Variants in MICAL2 observed in about 807,000 individuals in gnomAD.
MICAL2 encodes [F-actin]-monooxygenase MICAL2.
A neutral mutation model predicts 127.3 loss-of-function variants in MICAL2; 77 were observed. That is an observed-to-expected ratio of 0.60 (90% CI 0.50 to 0.73). The LOEUF is 0.73. Among genes scored for constraint, MICAL2 ranks in the 30% least tolerant of loss-of-function variants. The probability of loss-of-function intolerance (pLI) is 0.00; values close to 1 mark genes in which losing one functional copy is unlikely to be tolerated. For missense variants in MICAL2, 1,351 were observed against 1,434.4 expected, an observed-to-expected ratio of 0.94 and a Z score of 0.94; for synonymous variants, 570 against 551.1, an observed-to-expected ratio of 1.03 and a Z score of -0.48.
At chr11:12,316,695 G>A (rs1864235653) in intron 29 of MICAL2, among the ~76,000 whole-genome samples, 1 of 151,868 alleles carries the variant, frequency 6.6e-6, no homozygotes, top group African/African-American at 2.4e-5. Context: ...TACATATCTA[G>A]TAATTGTTCA....
intron 1 of MICAL2, among the ~76,000 whole-genome samples, chr11:12,119,327 A>C (rs1179762072): frequency 6.6e-6 from 1 of 152,168 alleles, no homozygotes; most frequent in Non-Finnish European, 1.5e-5. Flanking sequence ...ATTTTTAAAG[A>C]TCTTTAATTG....
chr11:12,347,712 TATAA>T (rs1938977544), intron 32 of MICAL2, among the ~76,000 whole-genome samples: 1 of 152,166 alleles, frequency 6.6e-6, no homozygotes, highest in Admixed American at 6.5e-5. Context: ...TATTCAGTAT[TATAA>T]ATAATCTAGA....
intron 29 of MICAL2, among the ~76,000 whole-genome samples, chr11:12,307,086 T>C (rs1252668927): frequency 6.6e-6 from 1 of 152,226 alleles, no homozygotes; most frequent in African/African-American, 2.4e-5. Flanking sequence ...GAGTTTCGGT[T>C]ACTGTACATC....
At chr11:12,138,507 T>C (rs901285) in intron 2 of MICAL2, 47 bp downstream of exon 2, 20,059 of 152,238 alleles carry the variant, frequency 0.13, 1,435 homozygotes, top group South Asian at 0.18. Flanking sequence ...GAGTAGCTCC[T>C]GGGGGCTGGT....
exon 32 of MICAL2, chr11:12,327,180 A>C (rs1180505625): frequency 9.7e-6 from 15 of 1,551,706 alleles, no homozygotes; most frequent in Non-Finnish European, 2.6e-6. Context: ...CAGGCCATCC[A>C]GAGGCAGCTG....
chr11:12,136,713 G>A lies in MICAL2; in HGVS notation c.-148-1677G>A, dbSNP rs182034383. On this transcript the variant is annotated intron_variant, in intron 1 of 27. Coordinates refer to ENST00000683283, the MANE Select transcript of MICAL2 (RefSeq NM_001282663.2). ...GAGCTCAAGTGTATTTGGCTTGTTG[G>A]TCAGACAAAGGGTACGAGTTGGTCC... Among the ~76,000 whole-genome samples, 206 of 152,258 alleles carry A rather than the reference G, an allele frequency of 1.4e-3. 2 individuals carry two copies. The highest frequency in any genetic ancestry group is 3.4e-3 in the Middle Eastern group (1 of 294).
intron 16 of MICAL2, among the ~76,000 whole-genome samples, chr11:12,238,372 G>A (rs1046707864): frequency 2.1e-4 from 32 of 152,186 alleles, no homozygotes; most frequent in African/African-American, 9.7e-5. Context: ...ATGGAACTCC[G>A]TTTTATAAAA....
chr11:12,355,671 G>C (rs1939117899), intron 34 of MICAL2, among the ~76,000 whole-genome samples: 1 of 152,156 alleles, frequency 6.6e-6, no homozygotes, highest in Non-Finnish European at 1.5e-5. Context: ...TTTGTATTTA[G>C]GTATTTTCGC....
intron 32 of MICAL2, among the ~76,000 whole-genome samples, chr11:12,333,892 A>G (rs1938695898): frequency 6.6e-6 from 1 of 152,208 alleles, no homozygotes. Context: ...ATTCTTATAT[A>G]TATGAAAAGT....
At chr11:12,115,898 A>ATATTTGCTTGGATCAT (rs1407731680) in intron 1 of MICAL2, among the ~76,000 whole-genome samples, 36 of 152,014 alleles carry the variant, frequency 2.4e-4, no homozygotes, top group African/African-American at 8.2e-4. Context: ...TGGGATTTCG[A>ATATTTGCTTGGATCAT]TATTTGCTTG....
intron 29 of MICAL2, among the ~76,000 whole-genome samples, chr11:12,301,783 A>G (rs1226396422): frequency 6.6e-6 from 1 of 152,196 alleles, no homozygotes; most frequent in Admixed American, 6.5e-5. Context: ...CAGTTAACAA[A>G]GTCAGAATTC....
chr11:12,266,443 G>GA (rs558868596), downstream of MICAL2, among the ~76,000 whole-genome samples: 72 of 150,406 alleles, frequency 4.8e-4, no homozygotes, highest in African/African-American at 1.3e-3. Flanking sequence ...TACAACTTAA[G>GA]AAAAAAAAAG....
intron 30 of MICAL2, among the ~76,000 whole-genome samples, chr11:12,323,456 G>A (rs191775696): frequency 1.3e-5 from 2 of 152,090 alleles, no homozygotes; most frequent in Admixed American, 1.3e-4. Flanking sequence ...GTATGTGTGT[G>A]TATGTCTGTC....
intron 1 of MICAL2, among the ~76,000 whole-genome samples, chr11:12,126,207 C>T (rs1382966512): frequency 1.3e-5 from 2 of 152,234 alleles, no homozygotes; most frequent in African/African-American, 4.8e-5. Context: ...AAAGCGTGCA[C>T]CTGAGCCTCA....
chr11:12,153,967 G>T (rs751622742), intron 2 of MICAL2, among the ~76,000 whole-genome samples: 6 of 152,334 alleles, frequency 3.9e-5, no homozygotes, highest in Non-Finnish European at 8.8e-5. Context: ...AGGTACACAG[G>T]TTTCCTTCTT....
At chr11:12,259,167 AACAAAG>A (rs781503407) in intron 25 of MICAL2, among the ~76,000 whole-genome samples, 5,624 of 152,344 alleles carry the variant, frequency 0.037, 129 homozygotes, top group Non-Finnish European at 0.043. Context: ...AATATAAAGA[AACAAAG>A]TTAAATCACC....
chr11:12,223,443 GCA>G lies in MICAL2; in HGVS notation c.1484_1485del (p.His495LeufsTer66). On this transcript the variant is annotated frameshift_variant, in exon 12 of 28. Transcript: ENST00000683283. LOFTEE classifies it high-confidence loss of function. ...KHLYITKELE[H>X]YPLERLGSVR... ...ATTTGTATATCACTAAGGAGCTGGA[GCA>G]CTACCCTCTCGAGAGACTGGGCTCG... 1 of 1,614,108 alleles carries G rather than the reference GCA, an allele frequency of 6.2e-7. No individual in the cohort carries two copies. Among genetic ancestry groups the G allele is most frequent in the Non-Finnish European group, 8.5e-7 (1 of 1,180,002 alleles).
intron 33 of MICAL2, among the ~76,000 whole-genome samples, chr11:12,353,043 C>T (rs1051850810): frequency 6.6e-6 from 1 of 152,204 alleles, no homozygotes; most frequent in African/African-American, 2.4e-5. Context: ...CTGACCGGTC[C>T]ATCTCCATTG....
At chr11:12,307,337 A>G (rs908357967) in intron 29 of MICAL2, among the ~76,000 whole-genome samples, 5 of 152,204 alleles carry the variant, frequency 3.3e-5, no homozygotes, top group African/African-American at 4.8e-5. Flanking sequence ...TAAATCCTTT[A>G]TCAGATATAT....
Sources: allele counts gnomAD v4.1 joint callset (sites outside exome capture counted in the v4.1 genomes callset), GRCh38; gene constraint gnomAD v4.1.1; transcripts MANE v1.5; gene names NCBI Gene and HGNC (gene_info 2026-07-23, HGNC 2026-07-21).